Variants in EPPK1 observed in about 807,000 individuals in gnomAD.
EPPK1 encodes the protein epiplakin 1.
For missense variants in EPPK1, 3,823 were observed against 3,673.3 expected, an observed-to-expected ratio of 1.04 and a Z score of -1.05; for synonymous variants, 1,862 against 1,721.2, an observed-to-expected ratio of 1.08 and a Z score of -2.03.
Position 143,867,446 on chromosome 8 carries a change from G to T in EPPK1, c.5808C>A (p.Ala1936=), listed in dbSNP as rs954328784. Residue 1936 remains alanine (A), a synonymous_variant, in exon 2 of 2, where the codon GCC becomes GCA. Coordinates refer to ENST00000615648, the MANE Select transcript of EPPK1 (RefSeq NM_031308.4). ...FATWLLEAQA[A]TGFLLDPCTR... ...TGCAGGGGTCCAGGAGGAACCCGGTGGCGGCCTGCGCCTCCAGCAGCCAAG... is the reference window on the plus strand; with the variant it reads ...TGCAGGGGTCCAGGAGGAACCCGGTTGCGGCCTGCGCCTCCAGCAGCCAAG... 6.2e-7 allele frequency: 1 copy of T among 1,612,694 alleles called. No individual in the cohort carries two copies. The highest frequency in any genetic ancestry group is 8.5e-7 in the Non-Finnish European group (1 of 1,179,856).
In EPPK1 at chr8:143,867,566, G is replaced by A. The variant is rs200739597; in HGVS notation, c.5688C>T (p.Ser1896=). 705 of 1,612,850 alleles carry A rather than the reference G, an allele frequency of 4.4e-4. 5 individuals are homozygous for A. The highest frequency in any genetic ancestry group is 4.4e-3 in the South Asian group (398 of 91,084). Residue 1896 remains serine (S), a synonymous_variant, in exon 2 of 2, where the codon AGC becomes AGT. Coordinates refer to ENST00000615648, the MANE Select transcript of EPPK1 (RefSeq NM_031308.4). ...LECVKPYLEG[S]GCIAGVTVPS... ...GCACCGTGACCCCCGCAATGCAGCC[G>A]CTGCCTTCCAGATAGGGCTTCACAC...
rs782071034 is a variant in EPPK1 at position 143,868,470 on chromosome 8, A to G, written c.4784T>C (p.Ile1595Thr). The G allele has an allele frequency of 2.5e-6, 4 of 1,612,174 alleles. No homozygotes were observed. Among genetic ancestry groups the G allele is most frequent in the Non-Finnish European group, 3.4e-6 (4 of 1,179,706 alleles). The change falls in exon 2 of 2, where the codon ATC becomes ACC. Residue 1595 changes from isoleucine to threonine, a missense_variant. Transcript: ENST00000615648. The stretch of plus-strand genomic sequence containing the variant: ...CACCAGGGCTGTGCCAGGCCGCAGG[A>G]TGTGCCTCCTCAGGGCCTCTGGGAT... ...MSIPEALRRH[I>T]LRPGTALVLL...
chr8:143,872,107 T>G lies in EPPK1; in HGVS notation c.1147A>C (p.Lys383Gln). Residue 383 changes from lysine (K) to glutamine (Q), a missense_variant, in exon 2 of 2, where the codon AAG becomes CAG. By Grantham distance (53) the Lys-to-Gln change is moderately conservative. Coordinates refer to ENST00000615648, the MANE Select transcript of EPPK1 (RefSeq NM_031308.4). ...SQIPLFQAMKKGLVDRPLALR... is the reference protein window; with the variant it reads ...SQIPLFQAMKQGLVDRPLALR... The stretch of plus-strand genomic sequence containing the variant: ...GCCAGTGGCCTGTCCACTAGCCCCT[T>G]CTTCATGGCCTGGAAAAGGGGGATT... The G allele has an allele frequency of 6.4e-7, 1 of 1,559,794 alleles. No homozygotes were observed. The highest frequency in any genetic ancestry group is 8.7e-7 in the Non-Finnish European group (1 of 1,153,100).
In EPPK1 at chr8:143,865,385, C is replaced by T. The variant is rs1370391567; in HGVS notation, c.7869G>A (p.Glu2623=). Residue 2623 remains glutamate (E), a synonymous_variant, in exon 2 of 2, where the codon GAG becomes GAA. Transcript: ENST00000615648. The part of the protein sequence containing the change: ...REGQGEGETQ[E]AAAAAAAAAA... ...CGGCGGCGGCGGCGGCGGCGGCGGC[C>T]TCCTGGGTCTCGCCCTCCCCCTGGC... 45 of 336,018 alleles carry T rather than the reference C, an allele frequency of 1.3e-4. No individual in the cohort carries two copies. In the Middle Eastern group the frequency reaches 2.1e-3, roughly 16 times the overall value. 20.8% of individuals were successfully genotyped at this position (336,018 alleles called of 1,614,324 possible). A position where few individuals can be genotyped will look rare whatever the true frequency, so the allele number is the denominator to read the frequency against.
Position 143,869,855 on chromosome 8 carries a change from C to G in EPPK1, c.3399G>C (p.Gln1133His). 3.1e-6 allele frequency: 5 copies of G among 1,601,274 alleles called. No homozygotes were observed. The highest frequency in any genetic ancestry group is 3.4e-6 in the Non-Finnish European group (4 of 1,174,712). Residue 1133 changes from glutamine (Q) to histidine (H), a missense_variant, in exon 2 of 2, where the codon CAG becomes CAC. Gln to His is a conservative substitution (Grantham distance 24). Coordinates refer to ENST00000615648, the MANE Select transcript of EPPK1 (RefSeq NM_031308.4). ...PTEEQVQRSLQAVPGAKDGTS... is the reference protein window; with the variant it reads ...PTEEQVQRSLHAVPGAKDGTS... ...TGCCATCCTTGGCCCCCGGCACGGC[C>G]TGCAGGCTCCTCTGGACCTGCTCCT...
intron 1 of EPPK1, among the ~76,000 whole-genome samples, chr8:143,876,959 C>G (rs1431408379): frequency 6.6e-6 from 1 of 152,254 alleles, no homozygotes; most frequent in African/African-American, 2.4e-5. Context: ...GCCGCCAGCC[C>G]AGACAGGCCG....
In EPPK1 at chr8:143,868,529, C is replaced by A. The variant is rs1306954376; in HGVS notation, c.4725G>T (p.Gly1575=). The A allele has an allele frequency of 3.7e-6, 6 of 1,606,902 alleles. No individual in the cohort carries two copies. The highest frequency in any genetic ancestry group is 5.1e-6 in the Non-Finnish European group (6 of 1,177,270). Residue 1575 remains glycine, a synonymous_variant, in exon 2 of 2, where the codon GGG becomes GGT. Coordinates refer to ENST00000615648, the MANE Select transcript of EPPK1 (RefSeq NM_031308.4). ...RSLEGGNFIA[G]VLIQGTQERM... The stretch of plus-strand genomic sequence containing the variant: ...TCTCCTGGGTGCCCTGGATAAGGAC[C>A]CCGGCAATGAAGTTGCCTCCCTCCA...
intron 1 of EPPK1, among the ~76,000 whole-genome samples, chr8:143,876,065 C>G (rs750728243): frequency 3.3e-5 from 5 of 152,194 alleles, no homozygotes; most frequent in Non-Finnish European, 7.4e-5. Context: ...GGGGACACAG[C>G]TAGTGTCACC....
At position 143,872,002 on chromosome 8, in the gene EPPK1, C is replaced by A. The variant is rs782546594; in HGVS notation, c.1252G>T (p.Ala418Ser). The A allele has an allele frequency of 1.9e-6, 3 of 1,577,388 alleles. No individual in the cohort carries two copies. Among genetic ancestry groups the A allele is most frequent in the African/African-American group, 1.3e-5 (1 of 74,262 alleles). Residue 418 changes from alanine to serine, a missense_variant, in exon 2 of 2, where the codon GCC (alanine) becomes TCC (serine). Physicochemically the swap from Ala to Ser is moderately conservative, Grantham distance 99. Transcript: ENST00000615648. ...ARRLRLPLEA[A>S]LRCGCLDEDT... ...TCATCCAGGCAGCCGCAGCGCAGGG[C>A]GGCCTCCAGGGGCAGCCGGAGCCTG... is the stretch of plus-strand genomic sequence containing the variant.
chr8:143,866,758 C>T lies in EPPK1; in HGVS notation c.6496G>A (p.Glu2166Lys), dbSNP rs1554659164. 1.9e-6 allele frequency: 3 copies of T among 1,613,516 alleles called. No homozygotes were observed. The highest frequency in any genetic ancestry group is 1.7e-5 in the Admixed American group (1 of 60,022). The change falls in exon 2 of 2, where the codon GAA becomes AAA. Residue 2166 changes from glutamate to lysine, a missense_variant. Physicochemically the swap from Glu to Lys is moderately conservative, Grantham distance 56. Transcript: ENST00000615648. ...QLILELIEKQ[E>K]TSNKHLWFQG... ...AACCACAGGTGTTTGTTGCTGGTTT[C>T]CTGCTTCTCGATCAACTCTAAGATG...
chr8:143,874,041 C>T (rs905351595), intron 1 of EPPK1, among the ~76,000 whole-genome samples: 21 of 152,336 alleles, frequency 1.4e-4, no homozygotes, highest in African/African-American at 5.1e-4. Context: ...CCTCTGAGCC[C>T]ACACCCTGCC....
Position 143,868,532 on chromosome 8 carries a change from G to A in EPPK1, c.4722C>T (p.Ala1574=), listed in dbSNP as rs144286038. 9.1e-5 allele frequency: 146 copies of A among 1,606,234 alleles called. No homozygotes were observed. The African/African-American group carries it at 1.0e-3, about 11-fold the overall frequency. ...KRSLEGGNFI[A]GVLIQGTQER... is the part of the protein sequence containing the mutation. ...CCTGGGTGCCCTGGATAAGGACCCC[G>A]GCAATGAAGTTGCCTCCCTCCAGGG... Residue 1574 remains alanine (A), a synonymous_variant, in exon 2 of 2, where the codon GCC becomes GCT. Transcript: ENST00000615648.
At chr8:143,874,453 TAAG>T (rs1351471368) in intron 1 of EPPK1, among the ~76,000 whole-genome samples, 5 of 152,178 alleles carry the variant, frequency 3.3e-5, no homozygotes, top group African/African-American at 9.6e-5. Context: ...AGTGTCCTTA[TAAG>T]AAGACACACA....
Position 143,867,062 on chromosome 8 carries a change from C to G in EPPK1, c.6192G>C (p.Ser2064=), listed in dbSNP as rs370081725. 12 of 1,612,924 alleles carry G rather than the reference C, an allele frequency of 7.4e-6. No individual in the cohort carries two copies. The highest frequency in any genetic ancestry group is 3.3e-5 in the Admixed American group (2 of 60,026). The change falls in exon 2 of 2, where the codon TCG becomes TCC. Residue 2064 remains serine, a synonymous_variant. Transcript: ENST00000615648. ...GGCACCTCTCCTGCAGCTCTCGGTA[C>G]GAGACCTTCTCTTGCGTGTTCGGGT... ...FVDPNTQEKV[S]YRELQERCRP...
intron 1 of EPPK1, 44 bp downstream of exon 1, chr8:143,878,394 G>GCCCGCA (rs1254020948): frequency 3.1e-5 from 1 of 32,396 alleles, no homozygotes; most frequent in Non-Finnish European, 6.0e-5. Flanking sequence ...CGCCGCACCT[G>GCCCGCA]CCCGCACCCG....
rs1258991798 is a variant in EPPK1, at chr8:143,857,701, C to T, written c.*286G>A. ...TTCTGTAAAATGGAAGCAGTGAATC[C>T]AAAACAGACAGAAAAATGTTCTGAA... On this transcript the variant is annotated 3_prime_UTR_variant, in exon 2 of 2. Transcript: ENST00000615648. 1 of 388,116 alleles carries T rather than the reference C, an allele frequency of 2.6e-6. No individual in the cohort carries two copies. The highest frequency in any genetic ancestry group is 4.6e-6 in the Non-Finnish European group (1 of 219,668). The allele number at this position is 388,116 out of a possible 1,614,324, so 24.0% of individuals were successfully genotyped here.
rs782807341 is a variant in EPPK1 at position 143,868,148 on chromosome 8, G to A, written c.5106C>T (p.Asp1702=). The A allele has an allele frequency of 4.5e-5, 72 of 1,613,066 alleles. No homozygotes were observed. The highest frequency in any genetic ancestry group is 6.7e-5 in the East Asian group (3 of 44,896). ...DPVHSHRVPV[D]VAYRCGYFDE... ...CGAAGTAGCCGCAGCGGTAGGCCAC[G>A]TCCACGGGCACGCGGTGGCTGTGCA... is the stretch of plus-strand genomic sequence containing the variant. The change falls in exon 2 of 2, where the codon GAC becomes GAT. Residue 1702 remains aspartate (D), a synonymous_variant. Coordinates refer to ENST00000615648, the MANE Select transcript of EPPK1 (RefSeq NM_031308.4).
At chr8:143,875,960 A>AC (rs1309378434) in intron 1 of EPPK1, among the ~76,000 whole-genome samples, 2 of 149,116 alleles carry the variant, frequency 1.3e-5, no homozygotes, top group Non-Finnish European at 3.0e-5. Context: ...CCCACCCCCC[A>AC]CTGACCTATG....
At position 143,867,877 on chromosome 8, in the gene EPPK1, C is replaced by T. The variant is rs781908975; in HGVS notation, c.5377G>A (p.Val1793Met). The T allele has an allele frequency of 6.2e-7, 1 of 1,613,242 alleles. No individual in the cohort carries two copies. The highest frequency in any genetic ancestry group is 1.1e-5 in the South Asian group (1 of 91,070). The change falls in exon 2 of 2, where the codon GTG becomes ATG. Residue 1793 changes from valine to methionine, a missense_variant. Transcript: ENST00000615648. ...KMRVGRFADQ[V>M]VSFWDLLSSP... ...GACAGCAGGTCCCAGAAAGAGACCACCTGGTCAGCAAACCTCCCCACGCGC... is the reference window on the plus strand; with the variant it reads ...GACAGCAGGTCCCAGAAAGAGACCATCTGGTCAGCAAACCTCCCCACGCGC...
Sources: gnomAD v4.1 joint callset for allele counts (sites outside exome capture counted in the v4.1 genomes callset) on GRCh38, gnomAD v4.1.1 for gene constraint, MANE v1.5 for transcripts, NCBI Gene and HGNC (gene_info 2026-07-23, HGNC 2026-07-21) for gene names.